MS4A2: variants seen among roughly 807,000 people sequenced by gnomAD.
The protein encoded by MS4A2 is membrane spanning 4-domains A2.
A neutral mutation model predicts 27.9 loss-of-function variants in MS4A2; 26 were observed. The ratio of observed to expected loss-of-function variants is 0.93; its 90% CI spans 0.68 to 1.29. The LOEUF is 1.29. MS4A2 is among the 50% of genes most tolerant of loss of function. The pLI, the probability that MS4A2 is intolerant of heterozygous loss-of-function variation, is 0.00. For synonymous variants in MS4A2, 110 were observed against 98.8 expected, an observed-to-expected ratio of 1.11 and a Z score of -0.67; for missense variants, 284 against 284.6, an observed-to-expected ratio of 1.00 and a Z score of 0.01.
Position 60,090,438 on chromosome 11 carries a change from A to T in MS4A2, c.289A>T (p.Lys97Ter), listed in dbSNP as rs771518213. The T allele has an allele frequency of 6.2e-7, 1 of 1,613,366 alleles. No individual in the cohort carries two copies. Among genetic ancestry groups the T allele is most frequent in the Non-Finnish European group, 8.5e-7 (1 of 1,179,864 alleles). ...TGAGGGAGACATTTTTTCATCATTTAAAGCAGGTTATCCATTCTGGGGAGC... is the reference window on the plus strand; with the variant it reads ...TGAGGGAGACATTTTTTCATCATTTTAAGCAGGTTATCCATTCTGGGGAGC... Reference protein sequence around the residue: ...HIEGDIFSSFKAGYPFWGAIF... With the variant: ...HIEGDIFSSF The change falls in exon 3 of 7, where the codon AAA (lysine) becomes TAA (stop). Residue 97 changes from lysine (K) to a stop codon, truncating the protein, a stop_gained. Transcript: ENST00000278888. LOFTEE classifies it high-confidence loss of function.
At position 60,097,066 on chromosome 11, in the gene MS4A2, T is replaced by C. The variant is rs1350603038; in HGVS notation, c.*1410T>C. ...GAGTTCTGGTAAAGATAAAATTTGA[T>C]ACAGGTTTGGTGTCATTATAAGAGA... is the stretch of plus-strand genomic sequence containing the variant. On this transcript the variant is annotated 3_prime_UTR_variant, in exon 7 of 7. Coordinates refer to ENST00000278888, the MANE Select transcript of MS4A2 (RefSeq NM_000139.5). 6.6e-6 allele frequency: 1 copy of C among 152,066 alleles called. No homozygotes were observed. The highest frequency in any genetic ancestry group is 1.5e-5 in the Non-Finnish European group (1 of 68,020). The allele number at this position is 152,066 out of a possible 1,614,324, so 9.4% of individuals were successfully genotyped here.
At position 60,093,466 on chromosome 11, in the gene MS4A2, A is replaced by C. The variant is rs1374561718; in HGVS notation, c.445A>C (p.Ile149Leu). 1.9e-6 allele frequency: 3 copies of C among 1,614,102 alleles called. No individual in the cohort carries two copies. In the African/African-American group the frequency reaches 4.0e-5, roughly 22 times the overall value. Residue 149 changes from isoleucine to leucine, a missense_variant, in exon 5 of 7, where the codon ATC becomes CTC. By Grantham distance (5) the Ile-to-Leu change is conservative. Transcript: ENST00000278888. ...TGGGGGAACGGGAATTACCATCCTGATCATCAACCTGAAGAAGAGCTTGGC... is the reference window on the plus strand; with the variant it reads ...TGGGGGAACGGGAATTACCATCCTGCTCATCAACCTGAAGAAGAGCTTGGC... ...IAGGTGITIL[I>L]INLKKSLAYI...
rs1423128376 is a variant in MS4A2 at position 60,098,149 on chromosome 11, TCTC to T, written c.*2494_*2496del. On this transcript the variant is annotated 3_prime_UTR_variant, in exon 7 of 7. Transcript: ENST00000278888. ...CACAACACACAATTTATGAATTTTT[TCTC>T]AAGATCATTCTGAGAGTTGCCCCAC... The T allele has an allele frequency of 6.6e-6, 1 of 152,234 alleles. No homozygotes were observed. Among genetic ancestry groups the T allele is most frequent in the Non-Finnish European group, 1.5e-5 (1 of 68,048 alleles). The allele number at this position is 152,234 out of a possible 1,614,324, so 9.4% of individuals were successfully genotyped here.
In MS4A2 at chr11:60,094,075, C is replaced by A. The variant is rs750720463; in HGVS notation, c.636+13C>A. 40 of 1,570,710 alleles carry A rather than the reference C, an allele frequency of 2.5e-5. No homozygotes were observed. In the Admixed American group the frequency reaches 6.7e-4, roughly 26 times the overall value. On this transcript the variant is annotated intron_variant, in intron 6 of 6. Transcript: ENST00000278888. The stretch of plus-strand genomic sequence containing the variant: ...CAAAGGAAACAAGGTAGATAGAAGC[C>A]CGATATAAAATCTTGAATGACAGGT...
upstream of MS4A2, chr11:60,088,487 A>G (rs73479087): frequency 3.7e-3 from 2,316 of 623,814 alleles, 48 homozygotes; most frequent in African/African-American, 0.038. Flanking sequence ...TGCTAGTCTC[A>G]GGCAAAATTA....
Position 60,092,823 on chromosome 11 carries a change from C to G in MS4A2, c.353C>G (p.Ser118Cys), listed in dbSNP as rs1344014507. The change falls in exon 4 of 7, where the codon TCT (serine) becomes TGT (cysteine). Residue 118 changes from serine to cysteine, a missense_variant. By Grantham distance (112) the Ser-to-Cys change is moderately radical. Transcript: ENST00000278888. ...FSISGMLSII[S>C]ERRNATYLVR... ...ATTTCTGGAATGTTGTCAATTATAT[C>G]TGAAAGGAGAAATGCAACATATCTG... is the stretch of plus-strand genomic sequence containing the variant. 1.2e-6 allele frequency: 2 copies of G among 1,613,646 alleles called. No individual in the cohort carries two copies.
rs1420613671 is a variant in MS4A2 at position 60,098,433 on chromosome 11, G to C, written c.*2777G>C. ...CCTCCTTATGTATTCTCAATTACCTGTATTTGTGCAATAAATTGGAATAAT... is the reference window on the plus strand; with the variant it reads ...CCTCCTTATGTATTCTCAATTACCTCTATTTGTGCAATAAATTGGAATAAT... On this transcript the variant is annotated 3_prime_UTR_variant, in exon 7 of 7. Transcript: ENST00000278888. The C allele has an allele frequency of 1.3e-5, 2 of 152,098 alleles. No homozygotes were observed. Among genetic ancestry groups the C allele is most frequent in the African/African-American group, 4.8e-5 (2 of 41,402 alleles). 9.4% of individuals were successfully genotyped at this position (152,098 alleles called of 1,614,324 possible).
chr11:60,089,675 G>C lies in MS4A2; in HGVS notation c.57-17G>C. On this transcript the variant is annotated splice_polypyrimidine_tract_variant and intron_variant, in intron 1 of 6. Coordinates refer to ENST00000278888, the MANE Select transcript of MS4A2 (RefSeq NM_000139.5). ...TACAGAATGTTCTCATGACTGAATT[G>C]CTTTTAAATTTCACAGTGTGCCTGC... The C allele has an allele frequency of 1.2e-6, 2 of 1,614,042 alleles. No individual in the cohort carries two copies. Among genetic ancestry groups the C allele is most frequent in the East Asian group, 4.5e-5 (2 of 44,884 alleles).
rs572829330 is a variant in MS4A2 at position 60,095,693 on chromosome 11, G to A, written c.*37G>A. ...CCAGAACACTCTGATTCACAGCCAA[G>A]GATCCAGAAGGCCAAGGTCTTGTTA... On this transcript the variant is annotated 3_prime_UTR_variant, in exon 7 of 7. Transcript: ENST00000278888. 2 of 1,411,710 alleles carry A rather than the reference G, an allele frequency of 1.4e-6. No homozygotes were observed. Among genetic ancestry groups the A allele is most frequent in the Non-Finnish European group, 1.0e-6 (1 of 996,220 alleles). 87.4% of individuals were successfully genotyped at this position (1,411,710 alleles called of 1,614,324 possible).
chr11:60,093,638 A>G (rs1855811989), intron 5 of MS4A2, 80 bp downstream of exon 5: 2 of 1,540,158 alleles, frequency 1.3e-6, no homozygotes, highest in African/African-American at 1.4e-5. Context: ...CTGTTCCATG[A>G]ACACCATCCT....
Position 60,090,337 on chromosome 11 carries a change from T to C in MS4A2, c.188T>C (p.Val63Ala). 6.2e-7 allele frequency: 1 copy of C among 1,612,644 alleles called. No individual in the cohort carries two copies. Among genetic ancestry groups the C allele is most frequent in the South Asian group, 1.1e-5 (1 of 91,072 alleles). Residue 63 changes from valine to alanine, a missense_variant and splice_region_variant, in exon 3 of 7, where the codon GTA (valine) becomes GCA (alanine). Physicochemically the swap from Val to Ala is moderately conservative, Grantham distance 64. Coordinates refer to ENST00000278888, the MANE Select transcript of MS4A2 (RefSeq NM_000139.5). Reference sequence around the variant, plus strand: ...TGAAATTCATGTGTTTTTCTATAGGTAACACAAATTCTGACTGCTATGATA... The same window carrying C: ...TGAAATTCATGTGTTTTTCTATAGGCAACACAAATTCTGACTGCTATGATA... ...VLKKEQEFLG[V>A]TQILTAMICL...
At chr11:60,092,759 C>T (rs1193505265) in intron 3 of MS4A2, 33 bp from the exon 4 acceptor site, 6 of 1,597,646 alleles carry the variant, frequency 3.8e-6, no homozygotes, top group Non-Finnish European at 5.1e-6. Flanking sequence ...ACAAGAAACT[C>T]ATTGTGGCTT....
chr11:60,090,303 T>G (rs1240035108), intron 2 of MS4A2, 33 bp from the exon 3 acceptor site: 1 of 1,608,470 alleles, frequency 6.2e-7, no homozygotes, highest in Non-Finnish European at 8.5e-7. Context: ...AAAATTTTTT[T>G]GATTTTCATG....
At chr11:60,092,432 ACTACAG>A (rs1379671443) in intron 3 of MS4A2, among the ~76,000 whole-genome samples, 1 of 151,022 alleles carries the variant, frequency 6.6e-6, no homozygotes, top group Non-Finnish European at 1.5e-5. Context: ...AGTAGCTGGG[ACTACAG>A]GTGCATGCCA....
chr11:60,093,922 C>T (rs1446436590), intron 5 of MS4A2, 42 bp from the exon 6 acceptor site: 3 of 1,487,258 alleles, frequency 2.0e-6, no homozygotes, highest in East Asian at 2.3e-5. Context: ...GGGGCGAATA[C>T]CATGTGACTC....
chr11:60,094,091 A>G, intron 6 of MS4A2, 29 bp downstream of exon 6: 2 of 1,467,990 alleles, frequency 1.4e-6, no homozygotes, highest in Non-Finnish European at 1.9e-6. Flanking sequence ...TAAAATCTTG[A>G]ATGACAGGTT....
At chr11:60,088,580 A>G (rs1855691270), upstream of MS4A2, 1 of 1,425,794 alleles carries the variant, frequency 7.0e-7, no homozygotes, top group African/African-American at 1.4e-5. Flanking sequence ...TCACAAGTAA[A>G]AGCCTGTTGA....
chr11:60,094,389 C>T (rs1350080337), intron 6 of MS4A2, among the ~76,000 whole-genome samples: 1 of 152,184 alleles, frequency 6.6e-6, no homozygotes, highest in East Asian at 1.9e-4. Context: ...TTGTTTTCTG[C>T]CCCAGAAGTA....
chr11:60,097,034 C>T lies in MS4A2; in HGVS notation c.*1378C>T, dbSNP rs1855882119. ...CAGCCATAGAGGGCCTGATGACATCCAATACAGAGTTCTGGTAAAGATAAA... is the reference window on the plus strand; with the variant it reads ...CAGCCATAGAGGGCCTGATGACATCTAATACAGAGTTCTGGTAAAGATAAA... On this transcript the variant is annotated 3_prime_UTR_variant, in exon 7 of 7. Coordinates refer to ENST00000278888, the MANE Select transcript of MS4A2 (RefSeq NM_000139.5). 1 of 151,814 alleles carries T rather than the reference C, an allele frequency of 6.6e-6. No individual in the cohort carries two copies. The allele number at this position is 151,814 out of a possible 1,614,324, so 9.4% of individuals were successfully genotyped here. A position where few individuals can be genotyped will look rare whatever the true frequency, so the allele number is the denominator to read the frequency against.
Sources: allele counts gnomAD v4.1 joint callset (sites outside exome capture counted in the v4.1 genomes callset), GRCh38; gene constraint gnomAD v4.1.1; transcripts MANE v1.5; gene names NCBI Gene and HGNC (gene_info 2026-07-23, HGNC 2026-07-21).